Variants in SULT1C4 observed in about 807,000 individuals in gnomAD.
SULT1C4 encodes the protein sulfotransferase 1C4.
Under a neutral mutation model 34.8 loss-of-function variants are expected in SULT1C4, and 32 were observed. The ratio of observed to expected loss-of-function variants is 0.92; its 90% CI spans 0.69 to 1.23. The LOEUF is 1.23. Ranked by LOEUF, SULT1C4 falls within the 50% of genes most tolerant of loss-of-function variation. SULT1C4 has a pLI of 0.00. For synonymous variants in SULT1C4, 111 were observed against 120.5 expected, an observed-to-expected ratio of 0.92 and a Z score of 0.51; for missense variants, 375 against 365.9, an observed-to-expected ratio of 1.02 and a Z score of -0.20.
intron 1 of SULT1C4, among the ~76,000 whole-genome samples, chr2:108,380,354 A>T (rs561665499): frequency 3.3e-5 from 5 of 152,164 alleles, no homozygotes; most frequent in South Asian, 2.1e-4. Flanking sequence ...ATGTACAAAA[A>T]AAAAATAAAA....
chr2:108,382,368 G>A lies in SULT1C4; in HGVS notation c.296-17G>A, dbSNP rs374787657. ...AAAAAAAAAATCGTAGAAATTGATC[G>A]AAAACCAGTTTTGCAGGTTTGGAAC... On this transcript the variant is annotated splice_polypyrimidine_tract_variant and intron_variant, in intron 2 of 6. Transcript: ENST00000272452. The A allele has an allele frequency of 2.3e-5, 37 of 1,603,800 alleles. No homozygotes were observed. The highest frequency in any genetic ancestry group is 6.8e-5 in the South Asian group (6 of 88,202).
Position 108,382,403 on chromosome 2 carries a change from C to A in SULT1C4, c.314C>A (p.Ala105Glu). Residue 105 changes from alanine to glutamate, a missense_variant, in exon 3 of 7, where the codon GCA becomes GAA. Transcript: ENST00000272452. ...TTTGCAGGTTTGGAACAAGCTCATG[C>A]AATGCCCTCACCACGGATCCTGAAA... ...SLGSGLEQAH[A>E]MPSPRILKTH... is the part of the protein sequence containing the mutation. 1 of 1,613,982 alleles carries A rather than the reference C, an allele frequency of 6.2e-7. No homozygotes were observed. Among genetic ancestry groups the A allele is most frequent in the African/African-American group, 1.3e-5 (1 of 75,010 alleles).
At chr2:108,385,738 C>CAA (rs201307179) in intron 5 of SULT1C4, among the ~76,000 whole-genome samples, 1 of 147,584 alleles carries the variant, frequency 6.8e-6, no homozygotes, top group Admixed American at 6.7e-5. Context: ...TTGAGGCATG[C>CAA]AAAAAAAAAA....
At chr2:108,383,336 C>G in intron 4 of SULT1C4, 80 bp from the exon 5 acceptor site, 1 of 1,587,926 alleles carries the variant, frequency 6.3e-7, no homozygotes, top group East Asian at 2.2e-5. Context: ...AACATTCTCA[C>G]TTCTCTTCAG....
At position 108,387,557 on chromosome 2, in the gene SULT1C4, T is replaced by C. The variant is rs1678600642; in HGVS notation, c.*125T>C. 8.9e-6 allele frequency: 6 copies of C among 675,650 alleles called. No homozygotes were observed. The highest frequency in any genetic ancestry group is 1.9e-5 in the African/African-American group (1 of 53,622). 41.9% of individuals were successfully genotyped at this position (675,650 alleles called of 1,614,324 possible). On this transcript the variant is annotated 3_prime_UTR_variant, in exon 7 of 7. Coordinates refer to ENST00000272452, the MANE Select transcript of SULT1C4 (RefSeq NM_006588.4). ...TCAGAATAGTTTACTGTGTTTGCTC[T>C]TATTCACTCTACTAAAAAATTATTT...
In SULT1C4 at chr2:108,387,637, G is replaced by A; in HGVS notation, c.*205G>A. The A allele has an allele frequency of 3.8e-6, 2 of 529,544 alleles. No individual in the cohort carries two copies. The highest frequency in any genetic ancestry group is 6.7e-6 in the Non-Finnish European group (2 of 299,984). 32.8% of individuals were successfully genotyped at this position (529,544 alleles called of 1,614,324 possible). On this transcript the variant is annotated 3_prime_UTR_variant, in exon 7 of 7. Transcript: ENST00000272452. The stretch of plus-strand genomic sequence containing the variant: ...CAGCAGGGTGGCGACATGGAGAGAG[G>A]GAAGCTCAATAAATCACTAGGTACA...
chr2:108,382,753 A>C, intron 3 of SULT1C4: 1 of 409,640 alleles, frequency 2.4e-6, no homozygotes, highest in Non-Finnish European at 4.4e-6. Context: ...AAAACACAAA[A>C]TTCACAGGAC....
Position 108,378,231 on chromosome 2 carries a change from A to G in SULT1C4, c.-107A>G. The G allele has an allele frequency of 3.6e-6, 4 of 1,116,486 alleles. No individual in the cohort carries two copies. In the South Asian group the frequency reaches 6.0e-5, roughly 17 times the overall value. The allele number at this position is 1,116,486 out of a possible 1,614,324, so 69.2% of individuals were successfully genotyped here. A position where few individuals can be genotyped will look rare whatever the true frequency, so the allele number is the denominator to read the frequency against. On this transcript the variant is annotated 5_prime_UTR_variant, in exon 1 of 7. Transcript: ENST00000272452. Reference sequence around the variant, plus strand: ...AGACAGGCCTGTGCTAGAGGGCTGGATAGTGTGGTAGTGTGGTGGATAGAG... The same window carrying G: ...AGACAGGCCTGTGCTAGAGGGCTGGGTAGTGTGGTAGTGTGGTGGATAGAG...
At chr2:108,382,923 A>ATT in intron 3 of SULT1C4, 170 bp from the exon 4 acceptor site, 2 of 463,482 alleles carry the variant, frequency 4.3e-6, no homozygotes, top group Non-Finnish European at 6.7e-6. Flanking sequence ...AAAAAAAAAA[A>ATT]AAAAAAAAGT....
intron 5 of SULT1C4, among the ~76,000 whole-genome samples, chr2:108,385,309 T>C (rs1678539431): frequency 1.3e-5 from 2 of 152,188 alleles, no homozygotes; most frequent in African/African-American, 2.4e-5. Context: ...TAGCGTATTA[T>C]GCATGCCAGG....
chr2:108,380,588 C>A (rs946888042), intron 1 of SULT1C4, among the ~76,000 whole-genome samples: 3 of 152,182 alleles, frequency 2.0e-5, no homozygotes, highest in African/African-American at 7.2e-5. Context: ...GCCAGAACAT[C>A]TGGTGCAACA....
At chr2:108,382,537 C>T in intron 3 of SULT1C4, 55 bp downstream of exon 3, 1 of 1,332,708 alleles carries the variant, frequency 7.5e-7, no homozygotes, top group Non-Finnish European at 1.1e-6. Context: ...CTTAGTCTTC[C>T]ATTTCCTCTT....
intron 5 of SULT1C4, among the ~76,000 whole-genome samples, chr2:108,385,166 T>G (rs1342175579): frequency 6.6e-6 from 1 of 152,242 alleles, no homozygotes; most frequent in Admixed American, 6.5e-5. Flanking sequence ...TACTTTGTTT[T>G]TACTTGGTAC....
Position 108,388,954 on chromosome 2 carries a change from T to A in SULT1C4, c.*1522T>A, listed in dbSNP as rs921094031. ...TCCTCTATACTTAGTGTAACTCTTCTGTGATGAAGATTAAAGTGTATTATG... is the reference window on the plus strand; with the variant it reads ...TCCTCTATACTTAGTGTAACTCTTCAGTGATGAAGATTAAAGTGTATTATG... On this transcript the variant is annotated 3_prime_UTR_variant, in exon 7 of 7. Transcript: ENST00000272452. Among the ~76,000 whole-genome samples the A allele has an allele frequency of 3.9e-5, 6 of 152,254 alleles. No homozygotes were observed. Among genetic ancestry groups the A allele is most frequent in the Admixed American group, 6.5e-5 (1 of 15,290 alleles).
Position 108,381,827 on chromosome 2 carries a change from C to G in SULT1C4, c.235C>G (p.Arg79Gly). The G allele has an allele frequency of 1.3e-6, 2 of 1,496,110 alleles. No individual in the cohort carries two copies. Among genetic ancestry groups the G allele is most frequent in the East Asian group, 2.5e-5 (1 of 39,966 alleles). The allele number at this position is 1,496,110 out of a possible 1,614,324, so 92.7% of individuals were successfully genotyped here. The change falls in exon 2 of 7, where the codon CGG (arginine) becomes GGG (glycine). Residue 79 changes from arginine to glycine, a missense_variant. Physicochemically the swap from Arg to Gly is moderately radical, Grantham distance 125. Transcript: ENST00000272452. ...QNEGDVEKSKRAPTHQRFPFL... is the reference protein window; with the variant it reads ...QNEGDVEKSKGAPTHQRFPFL... ...TGAAGGTGATGTGGAGAAAAGTAAA[C>G]GGGCACCGACTCATCAACGATTTCC...
intron 3 of SULT1C4, 65 bp from the exon 4 acceptor site, chr2:108,383,028 A>C (rs1678455298): frequency 1.4e-5 from 2 of 146,472 alleles, no homozygotes; most frequent in East Asian, 2.0e-4. Flanking sequence ...CAGTAACAGC[A>C]AAAAAAAAAA....
In SULT1C4 at chr2:108,383,116, C is replaced by T. The variant is rs772648827; in HGVS notation, c.417C>T (p.Pro139=). 8.1e-6 allele frequency: 13 copies of T among 1,603,526 alleles called. No homozygotes were observed. Among genetic ancestry groups the T allele is most frequent in the East Asian group, 2.2e-5 (1 of 44,616 alleles). The change falls in exon 4 of 7, where the codon CCC becomes CCT. Residue 139 remains proline (P), a synonymous_variant. Transcript: ENST00000272452. The stretch of plus-strand genomic sequence containing the variant: ...AGATAATCTATGTAGCAAGAAATCC[C>T]AAGGACAACATGGTGTCCTATTACC... The part of the protein sequence containing the change: ...NCKIIYVARN[P]KDNMVSYYHF...
chr2:108,384,744 A>T (rs1359385316), intron 5 of SULT1C4, among the ~76,000 whole-genome samples: 1 of 152,218 alleles, frequency 6.6e-6, no homozygotes, highest in African/African-American at 2.4e-5. Context: ...TATTGTAAAT[A>T]ATCATCTACT....
At chr2:108,386,510 C>G in intron 6 of SULT1C4, 138 bp downstream of exon 6, 1 of 678,290 alleles carries the variant, frequency 1.5e-6, no homozygotes, top group Non-Finnish European at 2.1e-6. Flanking sequence ...TTTAAGAAGC[C>G]ACTGATAAAA....
Sources: gnomAD v4.1 joint callset for allele counts (sites outside exome capture counted in the v4.1 genomes callset) on GRCh38, gnomAD v4.1.1 for gene constraint, MANE v1.5 for transcripts, NCBI Gene and HGNC (gene_info 2026-07-23, HGNC 2026-07-21) for gene names.